KLHL24: variants seen among roughly 807,000 people sequenced by gnomAD.
KLHL24 encodes the protein kelch like family member 24, also known as kelch-like protein 24.
KLHL24 carries 29 observed loss-of-function variants against 53.4 expected under a neutral mutation model. The ratio of observed to expected loss-of-function variants is 0.54; its 90% CI spans 0.40 to 0.74. The LOEUF (loss-of-function observed/expected upper bound fraction) is 0.74. KLHL24 is among the 30% of genes least tolerant of loss of function. The probability of loss-of-function intolerance (pLI) is 0.00; values close to 1 mark genes in which losing one functional copy is unlikely to be tolerated. For synonymous variants in KLHL24, 222 were observed against 253.7 expected, an observed-to-expected ratio of 0.88 and a Z score of 1.19; for missense variants, 504 against 744.0, an observed-to-expected ratio of 0.68 and a Z score of 3.75.
intron 3 of KLHL24, among the ~76,000 whole-genome samples, chr3:183,658,087 C>A (rs1456635288): frequency 6.6e-6 from 1 of 151,920 alleles, no homozygotes; most frequent in Admixed American, 6.6e-5. Context: ...GTGGTGGACA[C>A]CTGTAATCAC....
chr3:183,672,313 A>G lies in KLHL24; in HGVS notation c.1431A>G (p.Pro477=), dbSNP rs773329237. The G allele has an allele frequency of 6.3e-7, 1 of 1,591,256 alleles. No individual in the cohort carries two copies. Among genetic ancestry groups the G allele is most frequent in the Non-Finnish European group, 8.6e-7 (1 of 1,167,996 alleles). ...TCSDKVQSYD[P]ETNSWLLRAA... is the part of the protein sequence containing the mutation. ...GTTATTAGGTTCAATCTTATGATCC[A>G]GAAACCAATTCTTGGCTACTTCGTG... Residue 477 remains proline (P), a synonymous_variant, in exon 7 of 8, where the codon CCA becomes CCG. Coordinates refer to ENST00000242810, the MANE Select transcript of KLHL24 (RefSeq NM_017644.3).
At chr3:183,648,381 C>T (rs999371721) in intron 2 of KLHL24, among the ~76,000 whole-genome samples, 1 of 152,156 alleles carries the variant, frequency 6.6e-6, no homozygotes, top group Admixed American at 6.5e-5. Context: ...ACAGGGTACA[C>T]AAAATGCAGC....
chr3:183,677,891 A>C (rs1024437829), intron 7 of KLHL24, among the ~76,000 whole-genome samples: 2 of 152,134 alleles, frequency 1.3e-5, no homozygotes, highest in African/African-American at 4.8e-5. Context: ...TCCCGGGTTC[A>C]AGCAATTCTC....
intron 3 of KLHL24, among the ~76,000 whole-genome samples, chr3:183,654,811 C>T (rs532065739): frequency 5.1e-4 from 77 of 152,290 alleles, no homozygotes; most frequent in African/African-American, 1.8e-3. Flanking sequence ...CTCATTGCTT[C>T]CTTATGGCAT....
rs749161239 is a variant in KLHL24, at chr3:183,679,159, C to T, written c.1676C>T (p.Thr559Ile). ...LGGRRENGEA[T>I]DTILCYDPAT... ...GGAAGACGGGAAAATGGAGAAGCCA[C>T]AGACACTATTCTCTGTTATGATCCT... The change falls in exon 8 of 8, where the codon ACA becomes ATA. Residue 559 changes from threonine to isoleucine, a missense_variant. Physicochemically the swap from Thr to Ile is moderately conservative, Grantham distance 89. Coordinates refer to ENST00000242810, the MANE Select transcript of KLHL24 (RefSeq NM_017644.3). 13 of 1,613,962 alleles carry T rather than the reference C, an allele frequency of 8.1e-6. No homozygotes were observed. In the South Asian group the frequency reaches 1.4e-4, roughly 18 times the overall value.
At chr3:183,665,619 G>A (rs1329746503) in intron 5 of KLHL24, among the ~76,000 whole-genome samples, 6 of 151,906 alleles carry the variant, frequency 3.9e-5, no homozygotes, top group Admixed American at 2.6e-4. Flanking sequence ...GGTTGGTGGC[G>A]GGTGCCTGTA....
intron 3 of KLHL24, among the ~76,000 whole-genome samples, chr3:183,655,972 G>A (rs1288966715): frequency 2.0e-5 from 3 of 147,854 alleles, no homozygotes; most frequent in Non-Finnish European, 4.4e-5. Context: ...TTGACATTCT[G>A]CAAAAATGCT....
At chr3:183,675,961 A>G (rs902737507) in intron 7 of KLHL24, among the ~76,000 whole-genome samples, 3 of 152,232 alleles carry the variant, frequency 2.0e-5, no homozygotes, top group East Asian at 3.8e-4. Context: ...TAGGACACAC[A>G]TGGCACATTT....
intron 5 of KLHL24, among the ~76,000 whole-genome samples, chr3:183,670,607 A>G (rs1270309336): frequency 2.6e-5 from 4 of 152,226 alleles, no homozygotes; most frequent in Non-Finnish European, 5.9e-5. Flanking sequence ...ACTTTATAAT[A>G]ATCAAATATT....
intron 6 of KLHL24, among the ~76,000 whole-genome samples, chr3:183,671,717 T>C (rs979343257): frequency 1.3e-5 from 2 of 152,228 alleles, no homozygotes; most frequent in East Asian, 3.8e-4. Context: ...CGAAAGAATA[T>C]GTGCTATCCT....
At chr3:183,672,506 A>G in intron 7 of KLHL24, 22 bp downstream of exon 7, 1 of 1,512,124 alleles carries the variant, frequency 6.6e-7, no homozygotes, top group Non-Finnish European at 9.0e-7. Flanking sequence ...AAGCAGTACA[A>G]AAGAAAAATA....
chr3:183,679,900 A>G lies in KLHL24; in HGVS notation c.*614A>G, dbSNP rs1712505810. ...ATTCTTAGAATTGCTGTCTTACATT[A>G]AACATGTTTTTAGGGGGAAGTTAGG... is the stretch of plus-strand genomic sequence containing the variant. On this transcript the variant is annotated 3_prime_UTR_variant, in exon 8 of 8. Transcript: ENST00000242810. 6.6e-6 allele frequency: 1 copy of G among 152,194 alleles called. No individual in the cohort carries two copies. Among genetic ancestry groups the G allele is most frequent in the Non-Finnish European group, 1.5e-5 (1 of 68,040 alleles). The allele number at this position is 152,194 out of a possible 1,614,324, so 9.4% of individuals were successfully genotyped here.
At chr3:183,640,384 C>A (rs1304216928) in intron 1 of KLHL24, among the ~76,000 whole-genome samples, 1 of 152,078 alleles carries the variant, frequency 6.6e-6, no homozygotes, top group Non-Finnish European at 1.5e-5. Context: ...AGTTAAAGAA[C>A]CATATTGTTT....
At chr3:183,641,522 ACTTT>A (rs1195767458) in intron 1 of KLHL24, among the ~76,000 whole-genome samples, 2 of 149,036 alleles carry the variant, frequency 1.3e-5, no homozygotes, top group East Asian at 2.0e-4. Context: ...TTATTTTCTG[ACTTT>A]CTTTCTTTTG....
In KLHL24 at chr3:183,663,818, C is replaced by T. The variant is rs1006466158; in HGVS notation, c.1105+176C>T. Among the ~76,000 whole-genome samples, 1 of 152,090 alleles carries T rather than the reference C, an allele frequency of 6.6e-6. No individual in the cohort carries two copies. Among genetic ancestry groups the T allele is most frequent in the Non-Finnish European group, 1.5e-5 (1 of 68,020 alleles). On this transcript the variant is annotated intron_variant, in intron 4 of 7. Transcript: ENST00000242810. This position sits in a 1 kb window ranked among gnomAD's most constrained non-coding sequence, Gnocchi z 4.9. Reference sequence around the variant, plus strand: ...TCTTAAAAACAGGTACAAGGCCAGGCGCGGTGGCTCACGCCTGTAATCCCA... The same window carrying T: ...TCTTAAAAACAGGTACAAGGCCAGGTGCGGTGGCTCACGCCTGTAATCCCA...
chr3:183,652,497 A>G (rs1718261882), intron 3 of KLHL24, among the ~76,000 whole-genome samples: 1 of 152,168 alleles, frequency 6.6e-6, no homozygotes, highest in Non-Finnish European at 1.5e-5. Context: ...ATTTTTAATT[A>G]TACATTTCAG....
In KLHL24 at chr3:183,681,201, A is replaced by G. The variant is rs1712639675; in HGVS notation, c.*1915A>G. ...GATACTTGTACTTTAATTTTAGAGTAAACATCTGCATTATACTCTTATAGA... is the reference window on the plus strand; with the variant it reads ...GATACTTGTACTTTAATTTTAGAGTGAACATCTGCATTATACTCTTATAGA... On this transcript the variant is annotated 3_prime_UTR_variant, in exon 8 of 8. Coordinates refer to ENST00000242810, the MANE Select transcript of KLHL24 (RefSeq NM_017644.3). 6.6e-6 allele frequency: 1 copy of G among 152,144 alleles called. No individual in the cohort carries two copies. The highest frequency in any genetic ancestry group is 2.4e-5 in the African/African-American group (1 of 41,462). The allele number at this position is 152,144 out of a possible 1,614,324, so 9.4% of individuals were successfully genotyped here.
intron 3 of KLHL24, 40 bp downstream of exon 3, chr3:183,651,316 T>A (rs776079908): frequency 1.4e-6 from 2 of 1,467,642 alleles, no homozygotes; most frequent in South Asian, 2.5e-5. Context: ...CAAAAGTTTT[T>A]AATATATCTT....
rs1416752647 is a variant in KLHL24 at position 183,671,212 on chromosome 3, G to C, written c.1403G>C (p.Cys468Ser). ...VIGGGPDDNT[C>S]SDKVQSYDPE... ...GGTGGAGGACCTGATGATAATACTT[G>C]TTCTGATAAGGTAAGCCATGCACTT... The change falls in exon 6 of 8, where the codon TGT becomes TCT. Residue 468 changes from cysteine to serine, a missense_variant. By Grantham distance (112) the Cys-to-Ser change is moderately radical. Coordinates refer to ENST00000242810, the MANE Select transcript of KLHL24 (RefSeq NM_017644.3). 8 of 1,613,076 alleles carry C rather than the reference G, an allele frequency of 5.0e-6. No homozygotes were observed. Among genetic ancestry groups the C allele is most frequent in the Non-Finnish European group, 6.8e-6 (8 of 1,179,416 alleles).
Sources: gnomAD v4.1 joint callset for allele counts (sites outside exome capture counted in the v4.1 genomes callset) on GRCh38, gnomAD v4.1.1 for gene constraint, Gnocchi (gnomAD v3.1) non-coding constraint, MANE v1.5 for transcripts, NCBI Gene and HGNC (gene_info 2026-07-23, HGNC 2026-07-21) for gene names.